Variants in RTN1 observed in about 807,000 individuals in gnomAD.
RTN1 encodes the protein reticulon 1.
In RTN1, 25 loss-of-function variants were observed where a neutral mutation model predicts 65.5. The ratio of observed to expected loss-of-function variants is 0.38; its 90% CI spans 0.28 to 0.53. RTN1 has a LOEUF of 0.53. Among genes scored for constraint, RTN1 ranks in the 20% least tolerant of loss-of-function variants. RTN1 has a pLI of 0.79. For missense variants in RTN1, 983 were observed against 1,025.4 expected, an observed-to-expected ratio of 0.96 and a Z score of 0.57; for synonymous variants, 471 against 447.6, an observed-to-expected ratio of 1.05 and a Z score of -0.66.
At chr14:59,851,234 T>C (rs958743615) in intron 1 of RTN1, among the ~76,000 whole-genome samples, 1 of 152,234 alleles carries the variant, frequency 6.6e-6, no homozygotes, top group Non-Finnish European at 1.5e-5. Context: ...ATAATCATTA[T>C]TGTTAGGAAA....
intron 3 of RTN1, among the ~76,000 whole-genome samples, chr14:59,646,658 A>G (rs1882904042): frequency 6.6e-6 from 1 of 152,220 alleles, no homozygotes; most frequent in Non-Finnish European, 1.5e-5. Context: ...AATGAAGAAA[A>G]TCTTCAACCA....
At chr14:59,815,360 T>G (rs1886800724) in intron 1 of RTN1, among the ~76,000 whole-genome samples, 1 of 152,108 alleles carries the variant, frequency 6.6e-6, no homozygotes, top group African/African-American at 2.4e-5. Flanking sequence ...ACAGGAGCCC[T>G]CCTTCTATCA....
At chr14:59,659,491 A>G (rs889410097) in intron 3 of RTN1, among the ~76,000 whole-genome samples, 1 of 152,170 alleles carries the variant, frequency 6.6e-6, no homozygotes, top group Non-Finnish European at 1.5e-5. Context: ...AGCCAGAGAG[A>G]AAAGTCGGGT....
At chr14:59,742,851 G>A (rs1256468964) in intron 2 of RTN1, among the ~76,000 whole-genome samples, 3 of 152,190 alleles carry the variant, frequency 2.0e-5, no homozygotes, top group Admixed American at 1.3e-4. Context: ...TATGGGCACA[G>A]TGTCACATGG....
rs759358005 is a variant in RTN1 at position 59,605,558 on chromosome 14, A to G, written c.1974-52T>C. ...ATTCCGTCAGAGGGAATCATGAGAC[A>G]GGCTGCCGAACCCCAGTAACAGCTA... On this transcript the variant is annotated intron_variant, in intron 4 of 8. Coordinates refer to ENST00000267484, the MANE Select transcript of RTN1 (RefSeq NM_021136.3). The G allele has an allele frequency of 1.6e-5, 25 of 1,598,144 alleles. No homozygotes were observed. In the African/African-American group the frequency reaches 2.9e-4, roughly 19 times the overall value.
intron 3 of RTN1, among the ~76,000 whole-genome samples, chr14:59,646,289 A>G (rs991799778): frequency 1.3e-5 from 2 of 152,096 alleles, no homozygotes; most frequent in African/African-American, 2.4e-5. Context: ...AACAAATAAA[A>G]CCTCTGAGAA....
intron 1 of RTN1, among the ~76,000 whole-genome samples, chr14:59,785,909 G>C (rs888297919): frequency 6.6e-6 from 1 of 152,130 alleles, no homozygotes; most frequent in Non-Finnish European, 1.5e-5. Flanking sequence ...TCTCAGGAAG[G>C]CTTTAAAGGT....
chr14:59,795,325 T>C (rs995647086), intron 1 of RTN1, among the ~76,000 whole-genome samples: 5 of 152,180 alleles, frequency 3.3e-5, no homozygotes, highest in African/African-American at 1.2e-4. Flanking sequence ...TTTTTAACAA[T>C]TTCAAAATAA....
chr14:59,717,131 T>A (rs187069554), intron 3 of RTN1, among the ~76,000 whole-genome samples: 2 of 152,262 alleles, frequency 1.3e-5, no homozygotes, highest in African/African-American at 4.8e-5. Flanking sequence ...AGAAGTAGAA[T>A]CAAACTGAGC....
rs990013396 is a variant in RTN1 at position 59,746,046 on chromosome 14, T to A, written c.677A>T (p.Asp226Val). ...TTCAGGTTTAATTGAGATGTCAGTG[T>A]CTTTATTCTTAAAGTCCAAGTCTTT... ...EDKDLDFKNK[D>V]TDISIKPEGV... Residue 226 changes from aspartate (D) to valine (V), a missense_variant, in exon 2 of 9, where the codon GAC (aspartate) becomes GTC (valine). Transcript: ENST00000267484. 1.9e-6 allele frequency: 3 copies of A among 1,614,202 alleles called. No homozygotes were observed. Among genetic ancestry groups the A allele is most frequent in the Non-Finnish European group, 2.5e-6 (3 of 1,180,034 alleles).
chr14:59,779,490 C>G (rs538654982), intron 1 of RTN1, among the ~76,000 whole-genome samples: 17 of 151,932 alleles, frequency 1.1e-4, no homozygotes, highest in Admixed American at 2.0e-4. Context: ...AGGGGGAAGG[C>G]AGAATTCCAA....
chr14:59,702,211 T>C (rs1884194056), intron 3 of RTN1, among the ~76,000 whole-genome samples: 1 of 152,206 alleles, frequency 6.6e-6, no homozygotes, highest in African/African-American at 2.4e-5. Context: ...TTAATTGCCT[T>C]CCCAGAGTGC....
At chr14:59,780,972 C>T (rs1310319394) in intron 1 of RTN1, among the ~76,000 whole-genome samples, 1 of 152,204 alleles carries the variant, frequency 6.6e-6, no homozygotes, top group African/African-American at 2.4e-5. Context: ...GGATGCCACT[C>T]CAGGGCATGG....
At chr14:59,622,943 C>T (rs192067131) in intron 3 of RTN1, among the ~76,000 whole-genome samples, 131 of 152,282 alleles carry the variant, frequency 8.6e-4, no homozygotes, top group African/African-American at 2.9e-3. Context: ...AAAATGCCAA[C>T]ACTATTTCTA....
chr14:59,692,672 C>T (rs915580682), intron 3 of RTN1, among the ~76,000 whole-genome samples: 2 of 152,084 alleles, frequency 1.3e-5, no homozygotes, highest in South Asian at 4.1e-4. Context: ...TACTGTAAGG[C>T]TATAGTAACC....
intron 1 of RTN1, among the ~76,000 whole-genome samples, chr14:59,747,384 C>A (rs948127876): frequency 1.3e-5 from 2 of 152,176 alleles, no homozygotes; most frequent in South Asian, 4.1e-4. Flanking sequence ...CCGAGGCAGG[C>A]GGATCTCCTG....
intron 1 of RTN1, among the ~76,000 whole-genome samples, chr14:59,824,414 G>A (rs901112650): frequency 1.3e-5 from 2 of 152,134 alleles, no homozygotes; most frequent in African/African-American, 2.4e-5. Context: ...TGAATTCTGT[G>A]ATAATGATTT....
rs1420448212 is a variant in RTN1, at chr14:59,746,326, G to A, written c.397C>T (p.His133Tyr). The A allele has an allele frequency of 6.2e-7, 1 of 1,614,134 alleles. No individual in the cohort carries two copies. Among genetic ancestry groups the A allele is most frequent in the Non-Finnish European group, 8.5e-7 (1 of 1,179,998 alleles). ...FTGILQKENGHVTISESPEEL... is the reference protein window; with the variant it reads ...FTGILQKENGYVTISESPEEL... The stretch of plus-strand genomic sequence containing the variant: ...TCAGGGCTCTCTGAAATGGTGACGT[G>A]GCCATTTTCCTTCTGAAGAATTCCA... Residue 133 changes from histidine to tyrosine, a missense_variant, in exon 2 of 9, where the codon CAC becomes TAC. Transcript: ENST00000267484.
At chr14:59,771,632 A>G (rs1413135598) in intron 1 of RTN1, among the ~76,000 whole-genome samples, 3 of 152,244 alleles carry the variant, frequency 2.0e-5, no homozygotes, top group African/African-American at 7.2e-5. Flanking sequence ...TAAATGCCAA[A>G]TGGCTGCTGG....
Sources: allele counts gnomAD v4.1 joint callset (sites outside exome capture counted in the v4.1 genomes callset), GRCh38; gene constraint gnomAD v4.1.1; transcripts MANE v1.5; gene names NCBI Gene and HGNC (gene_info 2026-07-23, HGNC 2026-07-21).